Variants in DYM observed in about 807,000 individuals in gnomAD.
The protein encoded by DYM is dymeclin.
A neutral mutation model predicts 93.1 loss-of-function variants in DYM; 78 were observed. The ratio of observed to expected loss-of-function variants is 0.84; its 90% confidence interval spans 0.70 to 1.01. DYM has a LOEUF of 1.01. DYM is among the 50% of genes least tolerant of loss of function. The pLI is 0.00. For missense variants in DYM, 789 were observed against 845.0 expected (o/e 0.93, Z 0.82); for synonymous variants, 321 against 319.7 (o/e 1.00, Z -0.04).
chr18:49,425,242 C>T (rs1181610394), intron 2 of DYM, among the ~76,000 whole-genome samples: 1 of 152,112 alleles, frequency 6.6e-6, no homozygotes, highest in Non-Finnish European at 1.5e-5. Flanking sequence ...TAATACCACA[C>T]ATCTGCAACC....
chr18:49,052,176 G>A (rs1419294107), intron 17 of DYM, among the ~76,000 whole-genome samples: 1 of 152,198 alleles, frequency 6.6e-6, no homozygotes, highest in African/African-American at 2.4e-5. Context: ...TAAGGGCAGT[G>A]CCTGGGAACA....
At chr18:49,444,803 T>C (rs1284182364) in intron 1 of DYM, among the ~76,000 whole-genome samples, 1 of 152,182 alleles carries the variant, frequency 6.6e-6, no homozygotes, top group Non-Finnish European at 1.5e-5. Context: ...GTAAATGTCG[T>C]CCAAGCAATG....
At chr18:49,232,581 C>T (rs1178498994) in intron 13 of DYM, among the ~76,000 whole-genome samples, 1 of 141,392 alleles carries the variant, frequency 7.1e-6, no homozygotes, top group Admixed American at 7.3e-5. Flanking sequence ...GGATTACAGG[C>T]GTGAGCCACT....
intron 8 of DYM, among the ~76,000 whole-genome samples, chr18:49,314,338 T>A (rs1233070450): frequency 6.6e-6 from 1 of 152,218 alleles, no homozygotes; most frequent in South Asian, 2.1e-4. Flanking sequence ...GCTGTGTACA[T>A]TGAACATAAT....
At chr18:49,419,753 T>G (rs1167851036) in intron 2 of DYM, among the ~76,000 whole-genome samples, 1 of 152,246 alleles carries the variant, frequency 6.6e-6, no homozygotes, top group Non-Finnish European at 1.5e-5. Flanking sequence ...AATAGTCTCC[T>G]TATTCCTTAA....
chr18:49,233,975 A>G (rs1555651910), intron 13 of DYM, among the ~76,000 whole-genome samples: 1 of 152,074 alleles, frequency 6.6e-6, no homozygotes, highest in Non-Finnish European at 1.5e-5. Flanking sequence ...AAAAAATACA[A>G]AAAATTAGCC....
chr18:49,385,083 A>C (rs1326229411), intron 3 of DYM, among the ~76,000 whole-genome samples: 1 of 152,090 alleles, frequency 6.6e-6, no homozygotes, highest in Admixed American at 6.5e-5. Flanking sequence ...AAAAAGAAAA[A>C]AAAAAAGGAC....
At chr18:49,094,906 A>C (rs2145495376) in intron 17 of DYM, among the ~76,000 whole-genome samples, 1 of 152,326 alleles carries the variant, frequency 6.6e-6, no homozygotes, top group East Asian at 1.9e-4. Context: ...CCTCTTAACA[A>C]CCCAGAAGGT....
At chr18:49,354,823 G>C (rs1415125193) in intron 6 of DYM, among the ~76,000 whole-genome samples, 2 of 152,096 alleles carry the variant, frequency 1.3e-5, no homozygotes, top group African/African-American at 4.8e-5. Context: ...ATTCATTACT[G>C]GTGGGAATGG....
chr18:49,222,589 C>A (rs183939252), intron 13 of DYM, among the ~76,000 whole-genome samples: 1 of 151,942 alleles, frequency 6.6e-6, no homozygotes, highest in African/African-American at 2.4e-5. Context: ...AACTGCTCTG[C>A]GACTGATCAA....
chr18:49,054,258 T>C (rs1038416390), intron 17 of DYM, among the ~76,000 whole-genome samples: 9 of 152,250 alleles, frequency 5.9e-5, no homozygotes, highest in Non-Finnish European at 1.0e-4. Context: ...TGTTTCTTTA[T>C]TGAGACGGAG....
At chr18:49,338,306 G>A (rs1428374348) in intron 6 of DYM, among the ~76,000 whole-genome samples, 1 of 152,214 alleles carries the variant, frequency 6.6e-6, no homozygotes, top group African/African-American at 2.4e-5. Flanking sequence ...CACAGTGGAT[G>A]ATCTGAACAG....
At chr18:49,095,450 T>TG (rs918072506) in intron 17 of DYM, among the ~76,000 whole-genome samples, 1 of 151,678 alleles carries the variant, frequency 6.6e-6, no homozygotes, top group African/African-American at 2.4e-5. Context: ...TGATAGTGTT[T>TG]TTTTTTTTTT....
chr18:49,433,359 T>C (rs1473327968), intron 1 of DYM, among the ~76,000 whole-genome samples: 2 of 152,238 alleles, frequency 1.3e-5, no homozygotes, highest in Non-Finnish European at 2.9e-5. Context: ...GTAATCATAG[T>C]ATACGACTAA....
At chr18:49,203,731 C>T (rs1038730258) in intron 14 of DYM, among the ~76,000 whole-genome samples, 27 of 141,238 alleles carry the variant, frequency 1.9e-4, no homozygotes, top group Admixed American at 1.8e-3. Context: ...GCCGCAGGGT[C>T]CTCTGCCTAG....
intron 3 of DYM, among the ~76,000 whole-genome samples, chr18:49,390,519 G>GT (rs1182147654): frequency 1.4e-4 from 21 of 150,232 alleles, no homozygotes; most frequent in African/African-American, 5.1e-4. Context: ...TTTTTTTAAT[G>GT]TTTTTTGAGA....
intron 5 of DYM, among the ~76,000 whole-genome samples, chr18:49,373,870 T>A (rs1467787477): frequency 6.6e-6 from 1 of 152,092 alleles, no homozygotes; most frequent in Non-Finnish European, 1.5e-5. Flanking sequence ...ATGGGAAGGT[T>A]TGCAACTTAC....
intron 17 of DYM, among the ~76,000 whole-genome samples, chr18:49,060,354 C>T (rs2075845914): frequency 6.6e-6 from 1 of 151,958 alleles, no homozygotes; most frequent in Non-Finnish European, 1.5e-5. Flanking sequence ...GATGTCCTTC[C>T]CACCACACTT....
At chr18:49,175,372 T>C (rs1336460468) in intron 14 of DYM, among the ~76,000 whole-genome samples, 3 of 152,196 alleles carry the variant, frequency 2.0e-5, no homozygotes, top group Admixed American at 6.5e-5. Context: ...AAAAATCTTA[T>C]CTTTAAGGAC....
Sources: gnomAD v4.1 joint callset for allele counts (sites outside exome capture counted in the v4.1 genomes callset) on GRCh38, gnomAD v4.1.1 for gene constraint, MANE v1.5 for transcripts, NCBI Gene and HGNC (gene_info 2026-07-23, HGNC 2026-07-21) for gene names.